USH2A: variants seen among roughly 807,000 people sequenced by gnomAD.
USH2A encodes the protein Usher syndrome 2A (autosomal recessive, mild).
Under a neutral mutation model 538.9 loss-of-function variants are expected in USH2A, and 443 were observed. The ratio of observed to expected loss-of-function variants is 0.82; its 90% CI spans 0.76 to 0.89. The LOEUF is 0.89. USH2A is among the 40% of genes least tolerant of loss of function. The pLI, the probability that USH2A is intolerant of heterozygous loss-of-function variation, is 0.00. For synonymous variants in USH2A, 2,413 were observed against 2,273.5 expected (o/e 1.06, Z -1.75); for missense variants, 6,633 against 6,324.8 (o/e 1.05, Z -1.65).
intron 21 of USH2A, among the ~76,000 whole-genome samples, chr1:216,140,147 TA>T (rs2033572596): frequency 1.3e-5 from 2 of 151,832 alleles, no homozygotes; most frequent in Admixed American, 6.6e-5. Flanking sequence ...ACTTTTATAA[TA>T]TTTTTTAGAA....
chr1:216,185,292 G>A (rs1049856745), intron 20 of USH2A, among the ~76,000 whole-genome samples: 17 of 151,840 alleles, frequency 1.1e-4, no homozygotes, highest in African/African-American at 4.1e-4. Flanking sequence ...CAATACTCTG[G>A]ATGAAATGTA....
At chr1:216,108,695 A>T (rs562849949) in intron 21 of USH2A, among the ~76,000 whole-genome samples, 1 of 151,776 alleles carries the variant, frequency 6.6e-6, no homozygotes, top group Admixed American at 6.6e-5. Flanking sequence ...TATGTGTTTA[A>T]ATTCATTAAT....
intron 35 of USH2A, among the ~76,000 whole-genome samples, chr1:215,988,560 T>C (rs1442665371): frequency 6.6e-6 from 1 of 151,926 alleles, no homozygotes; most frequent in Non-Finnish European, 1.5e-5. Context: ...ATTCTATTAT[T>C]AATTATTTGA....
chr1:216,091,650 C>T (rs2032304279), intron 22 of USH2A, among the ~76,000 whole-genome samples: 1 of 152,082 alleles, frequency 6.6e-6, no homozygotes, highest in South Asian at 2.1e-4. Context: ...TATCTATAGC[C>T]TCTACGTTGT....
chr1:215,922,884 C>G (rs1346422254), intron 38 of USH2A, among the ~76,000 whole-genome samples: 1 of 152,038 alleles, frequency 6.6e-6, no homozygotes, highest in African/African-American at 2.4e-5. Context: ...AGAGTTATTA[C>G]TAGAACTCAG....
At chr1:215,715,144 C>T (rs1413549396) in intron 61 of USH2A, among the ~76,000 whole-genome samples, 1 of 152,184 alleles carries the variant, frequency 6.6e-6, no homozygotes, top group African/African-American at 2.4e-5. Context: ...TTCCTCCCCT[C>T]ACCCCCCTAA....
chr1:215,712,532 A>G (rs940802697), intron 61 of USH2A, among the ~76,000 whole-genome samples: 1 of 152,174 alleles, frequency 6.6e-6, no homozygotes, highest in African/African-American at 2.4e-5. Flanking sequence ...GTACCACCAG[A>G]ACACTGTGGA....
chr1:216,325,427 G>C lies in USH2A; in HGVS notation c.1021C>G (p.Pro341Ala). 1 of 1,613,874 alleles carries C rather than the reference G, an allele frequency of 6.2e-7. No homozygotes were observed. The highest frequency in any genetic ancestry group is 8.5e-7 in the Non-Finnish European group (1 of 1,179,914). The stretch of plus-strand genomic sequence containing the variant: ...TCATTATCATTGACAAAAGAGAGAG[G>C]ATGGGCTTCAGGATTCAACCGTGAC... The part of the protein sequence containing the change: ...RVSRLNPEAH[P>A]LSFVNDNDVG... The change falls in exon 6 of 72, where the codon CCT becomes GCT. Residue 341 changes from proline (P) to alanine (A), a missense_variant. By Grantham distance (27) the Pro-to-Ala change is conservative. Coordinates refer to ENST00000307340, the MANE Select transcript of USH2A (RefSeq NM_206933.4).
intron 4 of USH2A, among the ~76,000 whole-genome samples, chr1:216,363,897 C>A (rs1449676782): frequency 1.3e-5 from 2 of 151,592 alleles, no homozygotes; most frequent in African/African-American, 2.4e-5. Flanking sequence ...GTATTTATAA[C>A]TATATCTCTA....
chr1:215,861,388 T>C (rs1359315237), intron 44 of USH2A, among the ~76,000 whole-genome samples: 2 of 152,246 alleles, frequency 1.3e-5, no homozygotes, highest in Admixed American at 1.3e-4. Flanking sequence ...GCGAAGCTGG[T>C]GAAACCTAAA....
At chr1:216,161,568 T>C (rs1279453731) in intron 21 of USH2A, among the ~76,000 whole-genome samples, 1 of 152,072 alleles carries the variant, frequency 6.6e-6, no homozygotes, top group East Asian at 1.9e-4. Flanking sequence ...CCTTTTATCA[T>C]AAATATTACT....
intron 32 of USH2A, among the ~76,000 whole-genome samples, chr1:216,004,095 A>G (rs1323342339): frequency 1.3e-5 from 2 of 152,154 alleles, no homozygotes; most frequent in African/African-American, 4.8e-5. Context: ...TTGGTTGAGG[A>G]AGGCATGGAG....
chr1:215,890,850 T>A (rs1283428655), intron 40 of USH2A, among the ~76,000 whole-genome samples: 1 of 152,128 alleles, frequency 6.6e-6, no homozygotes, highest in Admixed American at 6.5e-5. Flanking sequence ...TCCCCTGAGA[T>A]TGGGTTTCGT....
chr1:216,285,599 G>A (rs1187215550), intron 11 of USH2A, among the ~76,000 whole-genome samples: 1 of 152,202 alleles, frequency 6.6e-6, no homozygotes, highest in Non-Finnish European at 1.5e-5. Context: ...TCTGTGAGAA[G>A]GGGGCCACCA....
At chr1:215,713,010 T>C (rs1255269587) in intron 61 of USH2A, among the ~76,000 whole-genome samples, 2 of 152,166 alleles carry the variant, frequency 1.3e-5, no homozygotes, top group African/African-American at 4.8e-5. Flanking sequence ...TTTTGCCATG[T>C]TGGCCAGGCT....
At chr1:215,879,207 A>T (rs6669557) in intron 41 of USH2A, 109 bp from the exon 42 acceptor site, 1 of 928,518 alleles carries the variant, frequency 1.1e-6, no homozygotes, top group Non-Finnish European at 1.7e-6. Context: ...CATTTTCTAA[A>T]TGGCTACATT....
intron 21 of USH2A, among the ~76,000 whole-genome samples, chr1:216,131,028 C>T (rs1367841691): frequency 1.3e-5 from 2 of 151,332 alleles, no homozygotes; most frequent in African/African-American, 4.8e-5. Context: ...GGTACTGTGT[C>T]GTGGTTTTGA....
intron 3 of USH2A, among the ~76,000 whole-genome samples, chr1:216,404,401 C>T (rs1286465215): frequency 4.6e-5 from 7 of 151,932 alleles, no homozygotes; most frequent in Admixed American, 3.9e-4. Flanking sequence ...GATATTATAG[C>T]TCACAGTACT....
chr1:215,839,449 G>A (rs1663616882), intron 46 of USH2A, among the ~76,000 whole-genome samples: 1 of 152,166 alleles, frequency 6.6e-6, no homozygotes, highest in South Asian at 2.1e-4. Context: ...AAGCTGGTAA[G>A]ATTTGGGATA....
Sources: allele counts gnomAD v4.1 joint callset (sites outside exome capture counted in the v4.1 genomes callset), GRCh38; gene constraint gnomAD v4.1.1; transcripts MANE v1.5; gene names NCBI Gene and HGNC (gene_info 2026-07-23, HGNC 2026-07-21).